Variants in PLAC1 observed in about 807,000 individuals in gnomAD.
PLAC1 encodes placenta-specific protein 1.
For synonymous variants in PLAC1, 68 were observed against 62.1 expected (o/e 1.09, Z -0.44); for missense variants, 136 against 163.2 (o/e 0.83, Z 0.91).
At chrX:134,651,159 A>G (rs917747193) in intron 1 of PLAC1, 2 of 262,374 alleles carry the variant, frequency 7.6e-6, no homozygotes, top group Non-Finnish European at 1.6e-5. Flanking sequence ...AAGCCATACA[A>G]AAAATAAGCA....
intron 2 of PLAC1, among the ~76,000 whole-genome samples, chrX:134,695,354 A>G (rs773458522): frequency 1.8e-5 from 2 of 112,392 alleles, no homozygotes; most frequent in Non-Finnish European, 3.8e-5. Flanking sequence ...ACCTTTTATA[A>G]TATGTAATGG....
At chrX:134,739,903 A>G (rs1487963283) in intron 1 of PLAC1, among the ~76,000 whole-genome samples, 1 of 112,619 alleles carries the variant, frequency 8.9e-6, no homozygotes, top group Non-Finnish European at 1.9e-5. Flanking sequence ...GGTATACCCA[A>G]TGGAAATATA....
intron 2 of PLAC1, among the ~76,000 whole-genome samples, chrX:134,717,195 G>C (rs1602933494): frequency 9.0e-6 from 1 of 111,494 alleles, no homozygotes; most frequent in East Asian, 2.8e-4. Context: ...TGTGCGTTCT[G>C]GGTAGATGGC....
intron 1 of PLAC1, among the ~76,000 whole-genome samples, chrX:134,739,461 A>C (rs2078711651): frequency 8.9e-6 from 1 of 112,238 alleles, no homozygotes; most frequent in Admixed American, 9.4e-5. Flanking sequence ...GCCTGCCTTC[A>C]ATGCTATCCC....
intron 1 of PLAC1, among the ~76,000 whole-genome samples, chrX:134,755,258 A>G (rs1204697631): frequency 8.9e-6 from 1 of 112,326 alleles, no homozygotes; most frequent in African/African-American, 3.2e-5. Context: ...CCTTGCCTCC[A>G]CGTTACTCAT....
At chrX:134,703,250 T>C (rs2078589583) in intron 2 of PLAC1, among the ~76,000 whole-genome samples, 1 of 111,641 alleles carries the variant, frequency 9.0e-6, no homozygotes, top group Non-Finnish European at 1.9e-5. Flanking sequence ...AGACAAATCA[T>C]AGTGAAAACA....
At chrX:134,709,074 AG>A (rs1271130209) in intron 2 of PLAC1, among the ~76,000 whole-genome samples, 3 of 112,077 alleles carry the variant, frequency 2.7e-5, no homozygotes, top group African/African-American at 9.7e-5. Context: ...CTCAAAAAGG[AG>A]ATATATGCCA....
chrX:134,725,152 GAAT>G (rs1249151691), intron 2 of PLAC1, among the ~76,000 whole-genome samples: 5 of 111,969 alleles, frequency 4.5e-5, no homozygotes, highest in African/African-American at 1.6e-4. Context: ...GAAGTTCTTA[GAAT>G]AATACCTGGT....
intron 2 of PLAC1, among the ~76,000 whole-genome samples, chrX:134,569,928 C>A (rs1164919371): frequency 9.1e-6 from 1 of 110,483 alleles, no homozygotes. Context: ...TGGGTTCAAG[C>A]GATTCTTCTG....
chrX:134,567,532 G>C (rs910836492), intron 2 of PLAC1, among the ~76,000 whole-genome samples: 6 of 111,239 alleles, frequency 5.4e-5, no homozygotes, highest in African/African-American at 1.3e-4. Flanking sequence ...AGGGTGGAAG[G>C]ACTGCTTGAG....
intron 2 of PLAC1, among the ~76,000 whole-genome samples, chrX:134,712,167 T>C (rs2078629987): frequency 9.0e-6 from 1 of 111,209 alleles, no homozygotes; most frequent in African/African-American, 3.3e-5. Flanking sequence ...TTATTCTATT[T>C]TCATGAAAGG....
At chrX:134,652,240 C>T (rs775980510) in intron 1 of PLAC1, among the ~76,000 whole-genome samples, 14 of 112,179 alleles carry the variant, frequency 1.2e-4, no homozygotes, top group East Asian at 5.6e-4. Flanking sequence ...AAAACACCCA[C>T]GTTGGCAAGT....
intron 2 of PLAC1, among the ~76,000 whole-genome samples, chrX:134,694,597 G>A (rs918607475): frequency 1.8e-5 from 2 of 111,971 alleles, no homozygotes; most frequent in Non-Finnish European, 3.8e-5. Flanking sequence ...AGAATTAGTC[G>A]GAAATATTTG....
chrX:134,697,045 A>T (rs1236755861), intron 2 of PLAC1, among the ~76,000 whole-genome samples: 1 of 108,982 alleles, frequency 9.2e-6, no homozygotes, highest in Non-Finnish European at 1.9e-5. Context: ...AAAAAAAAAA[A>T]GGAAAGAAAG....
intron 1 of PLAC1, among the ~76,000 whole-genome samples, chrX:134,627,475 A>G (rs2078241803): frequency 8.9e-6 from 1 of 112,459 alleles, no homozygotes; most frequent in South Asian, 3.7e-4. Context: ...GTATACAAAG[A>G]TATACGTATA....
chrX:134,740,274 G>T (rs1462272681), intron 1 of PLAC1, among the ~76,000 whole-genome samples: 1 of 102,286 alleles, frequency 9.8e-6, no homozygotes, highest in Non-Finnish European at 2.0e-5. Context: ...CCAAGATCGC[G>T]CCATTGCACT....
At chrX:134,688,561 C>A (rs2078526181) in intron 2 of PLAC1, among the ~76,000 whole-genome samples, 1 of 112,182 alleles carries the variant, frequency 8.9e-6, no homozygotes, top group African/African-American at 3.2e-5. Context: ...GGAAATTACA[C>A]CATGGTTTTT....
chrX:134,647,451 T>TGTGTGTGTGTG, intron 1 of PLAC1, among the ~76,000 whole-genome samples: 1 of 93,133 alleles, frequency 1.1e-5, no homozygotes, highest in African/African-American at 3.8e-5. Context: ...TGTGTGTGTG[T>TGTGTGTGTGTG]TGGAGGGGTC....
intron 2 of PLAC1, among the ~76,000 whole-genome samples, chrX:134,716,795 C>G (rs1173961338): frequency 1.8e-5 from 2 of 112,369 alleles, no homozygotes; most frequent in African/African-American, 6.5e-5. Context: ...AGAGGTTAGT[C>G]TCTGGAGTCA....
Sources: gnomAD v4.1 joint callset for allele counts (sites outside exome capture counted in the v4.1 genomes callset) on GRCh38, gnomAD v4.1.1 for gene constraint, MANE v1.5 for transcripts, NCBI Gene and HGNC (gene_info 2026-07-23, HGNC 2026-07-21) for gene names.